Variants in TEAD4 observed in about 807,000 individuals in gnomAD.
TEAD4 encodes TEA domain transcription factor 4, also known as transcriptional enhancer factor TEF-3.
Under a neutral mutation model 52.4 loss-of-function variants are expected in TEAD4, and 36 were observed. The ratio of observed to expected loss-of-function variants is 0.69; its 90% confidence interval spans 0.53 to 0.91. The LOEUF (loss-of-function observed/expected upper bound fraction) is 0.91, where lower values mean the gene tolerates loss of function less well. TEAD4 is among the 40% of genes least tolerant of loss of function. TEAD4 has a pLI of 0.00. For synonymous variants in TEAD4, 220 were observed against 231.0 expected (o/e 0.95, Z 0.43); for missense variants, 508 against 583.9 (o/e 0.87, Z 1.34).
chr12:2,979,107 G>A (rs959551797), intron 2 of TEAD4, among the ~76,000 whole-genome samples: 5 of 151,306 alleles, frequency 3.3e-5, no homozygotes, highest in African/African-American at 1.2e-4. Context: ...GTAGAGACAG[G>A]GTTTCACATT....
chr12:3,023,542 C>G (rs189316671), intron 10 of TEAD4, among the ~76,000 whole-genome samples: 1 of 151,666 alleles, frequency 6.6e-6, no homozygotes, highest in African/African-American at 2.4e-5. Context: ...AATCCCAGCA[C>G]TTTGGGAGGC....
intron 10 of TEAD4, among the ~76,000 whole-genome samples, chr12:3,028,218 A>G (rs912647479): frequency 3.3e-5 from 5 of 152,160 alleles, no homozygotes; most frequent in Admixed American, 1.3e-4. Context: ...TCATCAGTTC[A>G]TGGGCATTTG....
chr12:2,971,447 G>T (rs2098224921), intron 2 of TEAD4, among the ~76,000 whole-genome samples: 1 of 151,896 alleles, frequency 6.6e-6, no homozygotes, highest in Non-Finnish European at 1.5e-5. Context: ...TTTTTTGCGG[G>T]TTTTATTTTT....
intron 10 of TEAD4, among the ~76,000 whole-genome samples, chr12:3,029,331 G>A (rs930183138): frequency 6.3e-5 from 9 of 143,444 alleles, no homozygotes; most frequent in Middle Eastern, 4.1e-3. Flanking sequence ...TCCGCCTCCC[G>A]GGTTCACGCC....
At chr12:3,018,663 G>A (rs766513373) in intron 7 of TEAD4, 75 bp downstream of exon 7, 287 of 1,599,772 alleles carry the variant, frequency 1.8e-4, no homozygotes, top group Non-Finnish European at 2.3e-4. Context: ...ATGGCATTAA[G>A]CCTGGGCCCC....
Position 3,038,125 on chromosome 12 carries a change from G to C in TEAD4, c.1038+17G>C. 1.2e-6 allele frequency: 2 copies of C among 1,607,062 alleles called. No homozygotes were observed. The highest frequency in any genetic ancestry group is 1.1e-5 in the South Asian group (1 of 90,340). On this transcript the variant is annotated intron_variant, in intron 11 of 12. Transcript: ENST00000359864. ...AAAGTTGAGGTAGGAGGCCACCCTG[G>C]CGGGTGAGGGCCGGTGGCAGTGGTC...
chr12:2,982,804 T>A (rs1269791877), intron 2 of TEAD4, among the ~76,000 whole-genome samples: 2 of 152,118 alleles, frequency 1.3e-5, no homozygotes, highest in Non-Finnish European at 2.9e-5. Flanking sequence ...GGAGTGCAGG[T>A]CCTCAGAAAA....
intron 3 of TEAD4, among the ~76,000 whole-genome samples, chr12:2,999,517 G>A (rs545383816): frequency 6.6e-6 from 1 of 152,178 alleles, no homozygotes; most frequent in Non-Finnish European, 1.5e-5. Context: ...AAAGCAGCAC[G>A]GCAGATTAAC....
chr12:3,021,511 A>G (rs1309613391), intron 9 of TEAD4, among the ~76,000 whole-genome samples: 2 of 151,970 alleles, frequency 1.3e-5, no homozygotes, highest in Non-Finnish European at 2.9e-5. Context: ...GGGTTTCACC[A>G]TGTTGTCCAG....
At chr12:3,012,825 G>A (rs1240870690) in intron 5 of TEAD4, among the ~76,000 whole-genome samples, 2 of 152,192 alleles carry the variant, frequency 1.3e-5, no homozygotes, top group African/African-American at 4.8e-5. Context: ...TGGAACCAGG[G>A]GCCTTTGGGT....
intron 3 of TEAD4, among the ~76,000 whole-genome samples, chr12:3,010,445 CTT>C: frequency 6.6e-6 from 1 of 152,228 alleles, no homozygotes; most frequent in South Asian, 2.1e-4. Flanking sequence ...ACTGGCTTTT[CTT>C]TATGAGCGGA....
chr12:2,978,683 T>A (rs1414590452), intron 2 of TEAD4, among the ~76,000 whole-genome samples: 2 of 150,954 alleles, frequency 1.3e-5, no homozygotes, highest in African/African-American at 2.4e-5. Flanking sequence ...GGATTACGGG[T>A]GTGAACCACT....
At chr12:3,031,809 A>T (rs2098275757) in intron 10 of TEAD4, among the ~76,000 whole-genome samples, 2 of 152,202 alleles carry the variant, frequency 1.3e-5, no homozygotes, top group South Asian at 4.1e-4. Flanking sequence ...TACCAGACCC[A>T]TACCAGACCA....
chr12:2,985,228 C>CA (rs960778546), intron 2 of TEAD4, among the ~76,000 whole-genome samples: 3 of 151,526 alleles, frequency 2.0e-5, no homozygotes, highest in Non-Finnish European at 4.4e-5. Flanking sequence ...ACTAAAAATA[C>CA]AAAAAAACTA....
At chr12:2,989,478 G>A (rs573506757) in intron 2 of TEAD4, among the ~76,000 whole-genome samples, 6 of 152,150 alleles carry the variant, frequency 3.9e-5, no homozygotes, top group South Asian at 4.2e-4. Context: ...TCCTTCTGTC[G>A]CCCAGGCTGG....
intron 5 of TEAD4, among the ~76,000 whole-genome samples, chr12:3,014,408 G>A (rs2098262716): frequency 6.6e-6 from 1 of 152,224 alleles, no homozygotes; most frequent in South Asian, 2.1e-4. Flanking sequence ...CAGACACCAA[G>A]GGGAGCCATA....
chr12:3,027,637 C>A (rs183652525), intron 10 of TEAD4, among the ~76,000 whole-genome samples: 51 of 152,264 alleles, frequency 3.3e-4, no homozygotes, highest in African/African-American at 8.7e-4. Flanking sequence ...GAGGACGAGG[C>A]GGGTGGATTG....
chr12:3,014,702 C>T (rs1012667423), intron 5 of TEAD4, among the ~76,000 whole-genome samples: 76 of 152,288 alleles, frequency 5.0e-4, no homozygotes, highest in African/African-American at 1.8e-3. Flanking sequence ...CCCTCCCGGC[C>T]CCGGTTAGTG....
rs1307057304 is a variant in TEAD4 at position 2,984,589 on chromosome 12, C to T, written c.-29-10149C>T. On this transcript the variant is annotated intron_variant, in intron 2 of 12. Coordinates refer to ENST00000359864, the MANE Select transcript of TEAD4 (RefSeq NM_003213.4). ...CTTGGCGATTTCATCCTTGTGCAAC[C>T]ATAATAGAGGGTCCTTACACAAACC... Among the ~76,000 whole-genome samples, 4 of 152,130 alleles carry T rather than the reference C, an allele frequency of 2.6e-5. No individual in the cohort carries two copies. The East Asian group carries it at 7.7e-4, about 29-fold the overall frequency.
Sources: gnomAD v4.1 joint callset for allele counts (sites outside exome capture counted in the v4.1 genomes callset) on GRCh38, gnomAD v4.1.1 for gene constraint, MANE v1.5 for transcripts, NCBI Gene and HGNC (gene_info 2026-07-23, HGNC 2026-07-21) for gene names.